FN1: variants seen among roughly 807,000 people sequenced by gnomAD.
FN1 encodes the protein fibronectin.
Under a neutral mutation model 297.3 loss-of-function variants are expected in FN1, and 106 were observed. The ratio of observed to expected loss-of-function variants is 0.36; its 90% CI spans 0.30 to 0.42. The LOEUF (loss-of-function observed/expected upper bound fraction) is 0.42. Ranked by LOEUF, FN1 falls within the 10% of genes least tolerant of loss-of-function variation. The probability of loss-of-function intolerance (pLI) is 1.00; values close to 1 mark genes in which losing one functional copy is unlikely to be tolerated. For synonymous variants in FN1, 1,149 were observed against 1,152.6 expected, an observed-to-expected ratio of 1.00 and a Z score of 0.06; for missense variants, 2,690 against 3,124.9, an observed-to-expected ratio of 0.86 and a Z score of 3.32.
At chr2:215,381,105 G>C in intron 32 of FN1, 25 bp from the exon 33 acceptor site, 1 of 1,612,876 alleles carries the variant, frequency 6.2e-7, no homozygotes, top group South Asian at 1.1e-5. Context: ...AATGGTAAGA[G>C]GTTATGTGAA....
At chr2:215,422,421 G>A (rs886825499) in intron 9 of FN1, among the ~76,000 whole-genome samples, 178 bp from the exon 10 acceptor site, 5 of 152,180 alleles carry the variant, frequency 3.3e-5, no homozygotes, top group South Asian at 2.1e-4. Context: ...TTTGAGCCCT[G>A]GAGGCAGAAA....
intron 20 of FN1, among the ~76,000 whole-genome samples, chr2:215,400,195 G>T (rs1409763112): frequency 1.5e-5 from 2 of 137,062 alleles, no homozygotes; most frequent in Non-Finnish European, 3.2e-5. Flanking sequence ...CTCAAAAAAA[G>T]AAAAAAAAAA....
Position 215,380,808 on chromosome 2 carries a change from T to C in FN1, c.5434+3A>G, listed in dbSNP as rs771723510. 6.2e-7 allele frequency: 1 copy of C among 1,612,750 alleles called. No individual in the cohort carries two copies. Among genetic ancestry groups the C allele is most frequent in the Non-Finnish European group, 8.5e-7 (1 of 1,179,916 alleles). Reference sequence around the variant, plus strand: ...GCACCTGGTGGTGCAATTAACCATATACCTGTGGACTGGGTTCCAATCAGG... The same window carrying C: ...GCACCTGGTGGTGCAATTAACCATACACCTGTGGACTGGGTTCCAATCAGG... On this transcript the variant is annotated splice_donor_region_variant and intron_variant, in intron 33 of 45. Coordinates refer to ENST00000354785, the MANE Select transcript of FN1 (RefSeq NM_212482.4).
At chr2:215,428,411 A>C in intron 5 of FN1, 73 bp from the exon 6 acceptor site, 1 of 1,320,932 alleles carries the variant, frequency 7.6e-7, no homozygotes, top group Non-Finnish European at 1.1e-6. Context: ...TTAAAAAAGG[A>C]ATGCTATCTA....
chr2:215,365,988 T>C (rs1016228819), intron 42 of FN1, among the ~76,000 whole-genome samples: 3 of 137,754 alleles, frequency 2.2e-5, no homozygotes, highest in Non-Finnish European at 4.7e-5. Flanking sequence ...TTTTTTTTTT[T>C]TGTATTTTTT....
intron 36 of FN1, among the ~76,000 whole-genome samples, chr2:215,376,157 A>G (rs1207197335): frequency 6.6e-6 from 1 of 152,196 alleles, no homozygotes; most frequent in Non-Finnish European, 1.5e-5. Flanking sequence ...CTTTTATATT[A>G]ACTATGCTTT....
intron 1 of FN1, among the ~76,000 whole-genome samples, chr2:215,435,134 G>T (rs558428714): frequency 6.6e-6 from 1 of 152,258 alleles, no homozygotes; most frequent in Non-Finnish European, 1.5e-5. Flanking sequence ...TTTGAAAAAC[G>T]GAAAGAATTC....
chr2:215,373,228 T>A, intron 39 of FN1, 94 bp downstream of exon 39: 1 of 980,872 alleles, frequency 1.0e-6, no homozygotes, highest in South Asian at 1.3e-5. Flanking sequence ...AAGAAATGCA[T>A]CAAAACATGG....
intron 44 of FN1, among the ~76,000 whole-genome samples, chr2:215,363,983 T>C (rs139815782): frequency 1.2e-3 from 185 of 152,318 alleles, no homozygotes; most frequent in African/African-American, 4.2e-3. Context: ...AGCTCCTTTC[T>C]ATCCCAGGGG....
At chr2:215,381,222 AAAC>A in intron 32 of FN1, 142 bp from the exon 33 acceptor site, 1 of 785,434 alleles carries the variant, frequency 1.3e-6, no homozygotes, top group Non-Finnish European at 2.2e-6. Flanking sequence ...AAAATCACTT[AAAC>A]ACTTGCTTAA....
chr2:215,426,043 A>C (rs2065281577), intron 6 of FN1, among the ~76,000 whole-genome samples: 1 of 151,016 alleles, frequency 6.6e-6, no homozygotes, highest in South Asian at 2.1e-4. Flanking sequence ...CCTCTGGATT[A>C]TTTGTGATTC....
intron 38 of FN1, among the ~76,000 whole-genome samples, chr2:215,374,692 A>G (rs1202631306): frequency 6.6e-6 from 1 of 152,218 alleles, no homozygotes; most frequent in Admixed American, 6.5e-5. Context: ...CTTGGGCAAA[A>G]ATAATACTAG....
At chr2:215,415,222 T>G (rs2063270061) in intron 12 of FN1, among the ~76,000 whole-genome samples, 1 of 135,632 alleles carries the variant, frequency 7.4e-6, no homozygotes, top group Non-Finnish European at 1.6e-5. Flanking sequence ...TAAAAAAAAG[T>G]CTCTTGGCTT....
At chr2:215,435,594 T>G in intron 1 of FN1, 61 bp downstream of exon 1, 1 of 1,607,396 alleles carries the variant, frequency 6.2e-7, no homozygotes, top group Admixed American at 1.7e-5. Context: ...AGCCCCAACT[T>G]TGGTCGGCTT....
intron 44 of FN1, chr2:215,362,845 G>T (rs1482310371): frequency 1.3e-5 from 2 of 152,484 alleles, no homozygotes; most frequent in Non-Finnish European, 2.9e-5. Flanking sequence ...CATCAGCAGA[G>T]ACCCCGCTGA....
intron 11 of FN1, 144 bp downstream of exon 11, chr2:215,420,528 GA>G: frequency 1.0e-6 from 1 of 1,000,028 alleles, no homozygotes. Flanking sequence ...CAGTATTAGA[GA>G]GAAGACTTTG....
chr2:215,425,370 A>T, intron 6 of FN1, 85 bp from the exon 7 acceptor site: 7 of 1,285,548 alleles, frequency 5.4e-6, no homozygotes, highest in Non-Finnish European at 7.9e-6. Context: ...TCAGGATCTC[A>T]CAGAGATCAC....
intron 42 of FN1, among the ~76,000 whole-genome samples, chr2:215,367,239 G>A (rs1452615749): frequency 5.3e-5 from 8 of 151,974 alleles, no homozygotes; most frequent in Non-Finnish European, 1.2e-4. Context: ...TATTTCCTAG[G>A]CACATTTTAA....
chr2:215,371,725 C>G, intron 40 of FN1, 184 bp downstream of exon 40: 1 of 462,420 alleles, frequency 2.2e-6, no homozygotes. Context: ...GTTGGCCAGG[C>G]TGGTCTTGAA....
Sources: gnomAD v4.1 joint callset for allele counts (sites outside exome capture counted in the v4.1 genomes callset) on GRCh38, gnomAD v4.1.1 for gene constraint, MANE v1.5 for transcripts, NCBI Gene and HGNC (gene_info 2026-07-23, HGNC 2026-07-21) for gene names.